The following ZNF536 variants were observed in gnomAD, a reference collection of about 807,000 sequenced individuals.
ZNF536 encodes zinc finger protein 536.
ZNF536 carries 13 observed loss-of-function variants against 84.5 expected under a neutral mutation model. The ratio of observed to expected loss-of-function variants is 0.15; its 90% CI spans 0.10 to 0.24. ZNF536 has a LOEUF of 0.24. ZNF536 is among the 10% of genes least tolerant of loss of function. The pLI is 1.00. For synonymous variants in ZNF536, 811 were observed against 742.5 expected (o/e 1.09, Z -1.50); for missense variants, 1,536 against 1,747.5 (o/e 0.88, Z 2.16).
At chr19:30,331,766 C>T (rs561498207) in intron 2 of ZNF536, among the ~76,000 whole-genome samples, 1 of 152,274 alleles carries the variant, frequency 6.6e-6, no homozygotes, top group Non-Finnish European at 1.5e-5. Context: ...CTCCAAATCA[C>T]TGTTTGTGAT....
intron 1 of ZNF536, among the ~76,000 whole-genome samples, chr19:30,251,043 A>T (rs971823890): frequency 1.3e-5 from 2 of 152,090 alleles, no homozygotes. Flanking sequence ...GTCTACAAAG[A>T]ACATGTGGGG....
intron 1 of ZNF536, among the ~76,000 whole-genome samples, chr19:30,669,034 A>G (rs1262765509): frequency 6.6e-6 from 1 of 152,170 alleles, no homozygotes; most frequent in Non-Finnish European, 1.5e-5. Flanking sequence ...GCCTGGGTGC[A>G]TTGTGCTCAT....
chr19:30,594,471 C>A (rs1282484492), intron 1 of ZNF536, among the ~76,000 whole-genome samples: 1 of 152,204 alleles, frequency 6.6e-6, no homozygotes, highest in African/African-American at 2.4e-5. Context: ...GACCTGCCTG[C>A]CGCCTTTCTC....
chr19:30,440,936 TA>T (rs1365004763), intron 1 of ZNF536, among the ~76,000 whole-genome samples: 1,245 of 122,278 alleles, frequency 0.01, 29 homozygotes, highest in African/African-American at 0.037. Flanking sequence ...GATAGATAGA[TA>T]GATTTGAAAA....
At chr19:30,377,390 C>A (rs576751088) in intron 1 of ZNF536, among the ~76,000 whole-genome samples, 10 of 152,052 alleles carry the variant, frequency 6.6e-5, no homozygotes, top group Non-Finnish European at 1.3e-4. Context: ...AATGATGTTA[C>A]GGGAAAGAGG....
At chr19:30,472,766 A>G (rs1179265792) in intron 2 of ZNF536, among the ~76,000 whole-genome samples, 1 of 152,146 alleles carries the variant, frequency 6.6e-6, no homozygotes, top group African/African-American at 2.4e-5. Context: ...GCTTCAAAGG[A>G]TGGCATGTCA....
chr19:30,250,134 G>T (rs2024523601), intron 1 of ZNF536, among the ~76,000 whole-genome samples: 4 of 152,144 alleles, frequency 2.6e-5, no homozygotes, highest in African/African-American at 4.8e-5. Context: ...ATTCTTTGAA[G>T]ATTACTTCTA....
intron 1 of ZNF536, among the ~76,000 whole-genome samples, chr19:30,696,176 A>G (rs2051648556): frequency 6.6e-6 from 1 of 152,194 alleles, no homozygotes; most frequent in Non-Finnish European, 1.5e-5. Flanking sequence ...GCTTGGTTCC[A>G]TTTAAAATTA....
At chr19:30,468,385 C>T (rs939290816) in intron 2 of ZNF536, among the ~76,000 whole-genome samples, 1 of 152,096 alleles carries the variant, frequency 6.6e-6, no homozygotes, top group African/African-American at 2.4e-5. Context: ...CGCCAAGCTT[C>T]GGTGGGCCTG....
intron 2 of ZNF536, among the ~76,000 whole-genome samples, chr19:30,456,155 A>G (rs1487222977): frequency 1.3e-5 from 2 of 152,172 alleles, no homozygotes; most frequent in Non-Finnish European, 2.9e-5. Flanking sequence ...TCCTGTCCTA[A>G]TAGTAATAGT....
chr19:30,655,194 A>G (rs2049862552), intron 1 of ZNF536, among the ~76,000 whole-genome samples: 1 of 152,200 alleles, frequency 6.6e-6, no homozygotes, highest in African/African-American at 2.4e-5. Context: ...TCCCATTTAC[A>G]AGACAGAGTA....
intron 3 of ZNF536, among the ~76,000 whole-genome samples, chr19:30,355,242 G>A (rs1568354720): frequency 1.3e-5 from 2 of 152,104 alleles, no homozygotes. Context: ...ATCACAGGGT[G>A]AGAGAGGCGG....
intron 1 of ZNF536, among the ~76,000 whole-genome samples, chr19:30,275,414 G>A (rs1017261935): frequency 3.9e-5 from 6 of 152,202 alleles, no homozygotes; most frequent in African/African-American, 4.8e-5. Flanking sequence ...AGCTCTGTGC[G>A]TGCTCCTGAG....
chr19:30,598,132 G>A (rs2047533638), intron 1 of ZNF536, among the ~76,000 whole-genome samples: 1 of 152,162 alleles, frequency 6.6e-6, no homozygotes, highest in Admixed American at 6.6e-5. Context: ...TTCTTGACTT[G>A]AAGAATAAAG....
At chr19:30,339,800 G>A (rs1018035672) in intron 2 of ZNF536, among the ~76,000 whole-genome samples, 3 of 152,206 alleles carry the variant, frequency 2.0e-5, no homozygotes, top group Non-Finnish European at 4.4e-5. Flanking sequence ...GCAGGCAGGT[G>A]CTGTGGCTGC....
At chr19:30,713,291 G>GT (rs1220225388) in exon 2 of ZNF536, 1 of 152,072 alleles carries the variant, frequency 6.6e-6, no homozygotes, top group African/African-American at 2.4e-5. Context: ...AACATGTCAA[G>GT]TTTTTTCCCT....
chr19:30,237,873 G>A (rs1275409475), intron 1 of ZNF536, among the ~76,000 whole-genome samples: 1 of 152,006 alleles, frequency 6.6e-6, no homozygotes, highest in Non-Finnish European at 1.5e-5. Flanking sequence ...AAATGAGGAA[G>A]AGCTGGAGGC....
chr19:30,410,643 T>G lies in ZNF536; in HGVS notation c.-2-32918T>G, dbSNP rs537484810. Among the ~76,000 whole-genome samples, 91 of 151,906 alleles carry G rather than the reference T, an allele frequency of 6.0e-4. No individual in the cohort carries two copies. The South Asian group carries it at 0.018, about 30-fold the overall frequency. On this transcript the variant is annotated intron_variant, in intron 1 of 4. Transcript: ENST00000355537. ...GCGCCCGCCACCACGCCCGGCTAAT[T>G]TTTTTTTGTGTTTTTTAGTAGAGAC...
At chr19:30,698,416 G>T (rs1230337234) in intron 1 of ZNF536, among the ~76,000 whole-genome samples, 2 of 152,014 alleles carry the variant, frequency 1.3e-5, no homozygotes, top group African/African-American at 2.4e-5. Flanking sequence ...AAGCAATATT[G>T]ACACATTATT....
Sources: gnomAD v4.1 joint callset for allele counts (sites outside exome capture counted in the v4.1 genomes callset) on GRCh38, gnomAD v4.1.1 for gene constraint, MANE v1.5 for transcripts, NCBI Gene and HGNC (gene_info 2026-07-23, HGNC 2026-07-21) for gene names.